The following KCNT2 variants were observed in gnomAD, a reference collection of about 807,000 sequenced individuals.
KCNT2 encodes potassium sodium-activated channel subfamily T member 2.
Under a neutral mutation model 153.8 loss-of-function variants are expected in KCNT2, and 67 were observed. That is an observed-to-expected ratio of 0.44 (90% CI 0.36 to 0.53). The LOEUF (loss-of-function observed/expected upper bound fraction) is 0.53. Among genes scored for constraint, KCNT2 ranks in the 20% least tolerant of loss-of-function variants. The pLI is 0.00. For synonymous variants in KCNT2, 500 were observed against 458.8 expected, an observed-to-expected ratio of 1.09 and a Z score of -1.15; for missense variants, 975 against 1,354.8, an observed-to-expected ratio of 0.72 and a Z score of 4.40.
Position 196,575,170 on chromosome 1 carries a change from A to G in KCNT2, c.95+33045T>C, listed in dbSNP as rs531887053. Among the ~76,000 whole-genome samples, 7 of 152,274 alleles carry G rather than the reference A, an allele frequency of 4.6e-5. No homozygotes were observed. In the South Asian group the frequency reaches 1.4e-3, roughly 32 times the overall value. On this transcript the variant is annotated intron_variant, in intron 1 of 27. Coordinates refer to ENST00000294725, the MANE Select transcript of KCNT2 (RefSeq NM_198503.5). ...CAAGGTGAAATTTTCAAGATCTATG[A>G]TCTGCATTGTTTTAACTCCCTAACA...
At chr1:196,295,266 G>C (rs1660574087) in intron 22 of KCNT2, among the ~76,000 whole-genome samples, 1 of 151,784 alleles carries the variant, frequency 6.6e-6, no homozygotes, top group African/African-American at 2.4e-5. Flanking sequence ...ATAATTTGGA[G>C]AAGTTAAAAC....
intron 1 of KCNT2, among the ~76,000 whole-genome samples, chr1:196,555,290 C>A (rs191507795): frequency 6.6e-6 from 1 of 151,286 alleles, no homozygotes; most frequent in East Asian, 1.9e-4. Context: ...AACTGTTAAG[C>A]AAATTCAGTA....
intron 1 of KCNT2, among the ~76,000 whole-genome samples, chr1:196,579,857 T>C (rs1489718526): frequency 1.3e-5 from 2 of 152,134 alleles, no homozygotes; most frequent in Non-Finnish European, 2.9e-5. Context: ...AAAGTGGTGA[T>C]ACAGCTTTCA....
chr1:196,507,108 T>G (rs141716947), intron 1 of KCNT2, among the ~76,000 whole-genome samples: 107 of 152,266 alleles, frequency 7.0e-4, no homozygotes, highest in African/African-American at 2.5e-3. Flanking sequence ...TATATGCATA[T>G]GTCAAAGAAT....
intron 8 of KCNT2, among the ~76,000 whole-genome samples, chr1:196,452,402 C>G (rs180812760): frequency 6.6e-6 from 1 of 152,040 alleles, no homozygotes; most frequent in East Asian, 1.9e-4. Context: ...TAACCCAGAT[C>G]ATTATCCCTA....
intron 8 of KCNT2, among the ~76,000 whole-genome samples, chr1:196,437,946 T>G (rs528259766): frequency 1.2e-4 from 18 of 151,614 alleles, no homozygotes; most frequent in African/African-American, 4.1e-4. Context: ...GATTATGACC[T>G]CACTTTACTA....
intron 1 of KCNT2, among the ~76,000 whole-genome samples, chr1:196,607,853 G>A (rs1316830151): frequency 6.6e-6 from 1 of 152,014 alleles, no homozygotes; most frequent in African/African-American, 2.4e-5. Flanking sequence ...CACACCTAAG[G>A]AAAAAATGCA....
chr1:196,545,152 G>A (rs1320963477), intron 1 of KCNT2, among the ~76,000 whole-genome samples: 2 of 151,856 alleles, frequency 1.3e-5, no homozygotes, highest in Non-Finnish European at 2.9e-5. Context: ...GTTACTAGTG[G>A]AACCTCTCAT....
chr1:196,452,698 A>G (rs1199620806), intron 8 of KCNT2, among the ~76,000 whole-genome samples: 2 of 139,134 alleles, frequency 1.4e-5, no homozygotes, highest in Admixed American at 7.6e-5. Flanking sequence ...CTCCATAGAA[A>G]TAGAACCAAT....
intron 7 of KCNT2, among the ~76,000 whole-genome samples, chr1:196,467,417 TTAAC>T (rs141486700): frequency 0.05 from 7,676 of 152,050 alleles, 645 homozygotes; most frequent in African/African-American, 0.17. Context: ...ATGCATCACT[TTAAC>T]TATTTAACAG....
At chr1:196,430,806 G>A (rs1247682097) in intron 8 of KCNT2, among the ~76,000 whole-genome samples, 1 of 152,072 alleles carries the variant, frequency 6.6e-6, no homozygotes, top group African/African-American at 2.4e-5. Flanking sequence ...AAAAAGCAAA[G>A]TGAGACTATG....
intron 14 of KCNT2, among the ~76,000 whole-genome samples, chr1:196,360,276 GT>G (rs990454950): frequency 5.3e-5 from 8 of 151,328 alleles, no homozygotes; most frequent in East Asian, 3.9e-4. Context: ...CTTGTAGTAG[GT>G]TTTTTTTTGT....
intron 12 of KCNT2, among the ~76,000 whole-genome samples, chr1:196,421,821 C>T (rs764902098): frequency 6.6e-6 from 1 of 151,962 alleles, no homozygotes; most frequent in African/African-American, 2.4e-5. Flanking sequence ...TTGGATCTTC[C>T]TGAGAGCTGT....
chr1:196,497,501 C>T (rs966082025), intron 1 of KCNT2, among the ~76,000 whole-genome samples: 11 of 152,060 alleles, frequency 7.2e-5, no homozygotes, highest in African/African-American at 2.7e-4. Flanking sequence ...GGAGGCTGTA[C>T]ATAGATTATT....
intron 1 of KCNT2, among the ~76,000 whole-genome samples, chr1:196,604,616 C>G (rs1413723294): frequency 2.0e-5 from 3 of 152,010 alleles, no homozygotes; most frequent in Admixed American, 6.6e-5. Context: ...TCCCATATGT[C>G]CTACTCAGAA....
intron 14 of KCNT2, among the ~76,000 whole-genome samples, chr1:196,354,838 C>A (rs755830594): frequency 7.3e-5 from 11 of 151,574 alleles, no homozygotes; most frequent in African/African-American, 1.7e-4. Flanking sequence ...GTATACTTCC[C>A]AGGGTGTTTT....
intron 1 of KCNT2, among the ~76,000 whole-genome samples, chr1:196,530,130 A>G (rs562546910): frequency 6.6e-6 from 1 of 152,154 alleles, no homozygotes; most frequent in African/African-American, 2.4e-5. Flanking sequence ...TATTGTGGCC[A>G]TAACAGGAAT....
intron 12 of KCNT2, among the ~76,000 whole-genome samples, chr1:196,406,380 C>T (rs981685760): frequency 8.6e-5 from 13 of 151,210 alleles, no homozygotes; most frequent in African/African-American, 2.9e-4. Context: ...TTCAAAAGTG[C>T]TCTTAAATAA....
chr1:196,448,928 G>A (rs1237142723), intron 8 of KCNT2, among the ~76,000 whole-genome samples: 1 of 151,400 alleles, frequency 6.6e-6, no homozygotes, highest in African/African-American at 2.4e-5. Flanking sequence ...CCTAAATTGT[G>A]GCAATAAAAA....
Sources: gnomAD v4.1 joint callset for allele counts (sites outside exome capture counted in the v4.1 genomes callset) on GRCh38, gnomAD v4.1.1 for gene constraint, MANE v1.5 for transcripts, NCBI Gene and HGNC (gene_info 2026-07-23, HGNC 2026-07-21) for gene names.